ZNF708: variants seen among roughly 807,000 people sequenced by gnomAD.
ZNF708 encodes ZNF15, ZNF15L1.
In ZNF708, 44 loss-of-function variants were observed where a neutral mutation model predicts 47.0. That is an observed-to-expected ratio of 0.94 (90% CI 0.74 to 1.20). The LOEUF (loss-of-function observed/expected upper bound fraction) is 1.20. Among genes scored for constraint, ZNF708 ranks in the 50% most tolerant of loss-of-function variants. The pLI is 0.00. For synonymous variants in ZNF708, 184 were observed against 218.5 expected, an observed-to-expected ratio of 0.84 and a Z score of 1.39; for missense variants, 557 against 656.0, an observed-to-expected ratio of 0.85 and a Z score of 1.65.
intron 1 of ZNF708, among the ~76,000 whole-genome samples, chr19:21,326,392 GAATT>G (rs1973256441): frequency 6.6e-6 from 1 of 152,108 alleles, no homozygotes; most frequent in Admixed American, 6.6e-5. Flanking sequence ...CATAAAAAAT[GAATT>G]AACAGCATTT....
Position 21,292,886 on chromosome 19 carries a change from A to C in ZNF708, c.*388T>G, listed in dbSNP as rs1343682165. ...CACACTTGTAAGAGTTTTTCTAGTA[A>C]GAATTATCTTACCTACAATCAAGTG... On this transcript the variant is annotated 3_prime_UTR_variant, in exon 4 of 4. Transcript: ENST00000356929. 2.2e-5 allele frequency: 4 copies of C among 184,110 alleles called. No individual in the cohort carries two copies. In the Admixed American group the frequency reaches 2.2e-4, roughly 10 times the overall value. The allele number at this position is 184,110 out of a possible 1,614,324, so 11.4% of individuals were successfully genotyped here.
chr19:21,329,088 A>G, intron 1 of ZNF708, 122 bp downstream of exon 1: 2 of 1,440,254 alleles, frequency 1.4e-6, no homozygotes, highest in Non-Finnish European at 1.9e-6. Flanking sequence ...GAGCTAGGCA[A>G]GGAGAACTCG....
At chr19:21,301,068 T>C (rs1972650359) in intron 3 of ZNF708, among the ~76,000 whole-genome samples, 1 of 152,006 alleles carries the variant, frequency 6.6e-6, no homozygotes, top group African/African-American at 2.4e-5. Context: ...CAAAACAAAA[T>C]TAAAATATGA....
chr19:21,294,339 T>A lies in ZNF708; in HGVS notation c.627A>T (p.Ser209=). The change falls in exon 4 of 4, where the codon TCA becomes TCT. Residue 209 remains serine (S), a synonymous_variant. Coordinates refer to ENST00000356929, the MANE Select transcript of ZNF708 (RefSeq NM_021269.3). ...GAATTATCTTATGATTCGTAAGGTT[T>A]GAGGACTTTTTAAAAGCTTTGCCAC... is the stretch of plus-strand genomic sequence containing the variant. ...EECGKAFKKS[S]NLTNHKIIHT... is the part of the protein sequence containing the mutation. The A allele has an allele frequency of 5.0e-6, 8 of 1,613,526 alleles. No individual in the cohort carries two copies. Among genetic ancestry groups the A allele is most frequent in the Non-Finnish European group, 6.8e-6 (8 of 1,179,812 alleles).
intron 3 of ZNF708, among the ~76,000 whole-genome samples, chr19:21,299,617 C>CA (rs1972613039): frequency 6.6e-6 from 1 of 150,910 alleles, no homozygotes. Flanking sequence ...ATAACAACAA[C>CA]AAAAAATTAG....
chr19:21,327,332 C>G (rs1419943516), intron 1 of ZNF708, among the ~76,000 whole-genome samples: 1 of 152,020 alleles, frequency 6.6e-6, no homozygotes, highest in Non-Finnish European at 1.5e-5. Flanking sequence ...GAGTTTGAGA[C>G]CAGCCTGACC....
At chr19:21,305,304 C>T (rs1437096817) in intron 3 of ZNF708, among the ~76,000 whole-genome samples, 1 of 150,990 alleles carries the variant, frequency 6.6e-6, no homozygotes, top group Admixed American at 6.6e-5. Flanking sequence ...ACACTGCACC[C>T]AGCCACTTTT....
chr19:21,293,370 G>T lies in ZNF708; in HGVS notation c.1596C>A (p.Tyr532Ter), dbSNP rs1972435863. The change falls in exon 4 of 4, where the codon TAC (tyrosine) becomes TAA (stop). Residue 532 changes from tyrosine to a stop codon, truncating the protein, a stop_gained. Coordinates refer to ENST00000356929, the MANE Select transcript of ZNF708 (RefSeq NM_021269.3). LOFTEE classifies it high-confidence loss of function. ...HKIIHTGEKP[Y>*]KCEECGKAFN... ...AGGCTTTGCCACATTCTTCACATTT[G>T]TAGGGTTTCTCTCCAGTATGAATTA... 1 of 1,613,436 alleles carries T rather than the reference G, an allele frequency of 6.2e-7. No homozygotes were observed. The highest frequency in any genetic ancestry group is 1.3e-5 in the African/African-American group (1 of 74,862).
chr19:21,327,910 T>G (rs1031656498), intron 1 of ZNF708: 1 of 772,044 alleles, frequency 1.3e-6, no homozygotes, highest in African/African-American at 1.9e-5. Flanking sequence ...AGGAGATGCC[T>G]CTCAGCCCCA....
intron 3 of ZNF708, among the ~76,000 whole-genome samples, chr19:21,305,676 T>C (rs1972750085): frequency 6.6e-6 from 1 of 151,978 alleles, no homozygotes; most frequent in Non-Finnish European, 1.5e-5. Flanking sequence ...TTCTCCAGGA[T>C]GGTCTCTAAC....
rs990247182 is a variant in ZNF708 at position 21,329,217 on chromosome 19, A to G, written c.-5T>C. 1.9e-6 allele frequency: 3 copies of G among 1,611,706 alleles called. No homozygotes were observed. Among genetic ancestry groups the G allele is most frequent in the Non-Finnish European group, 1.7e-6 (2 of 1,178,316 alleles). ...GTCGGACGGCACTCTCACCATTTCT[A>G]GGCTTCCAGAGGGTCCTGGAGTCTT... is the stretch of plus-strand genomic sequence containing the variant. On this transcript the variant is annotated 5_prime_UTR_variant, in exon 1 of 4. Coordinates refer to ENST00000356929, the MANE Select transcript of ZNF708 (RefSeq NM_021269.3).
rs557613035 is a variant in ZNF708, at chr19:21,316,485, G to T, written c.4-5858C>A. 6.6e-5 allele frequency among the ~76,000 whole-genome samples: 10 copies of T among 152,298 alleles called. No individual in the cohort carries two copies. The South Asian group carries it at 2.1e-3, about 32-fold the overall frequency. Reference sequence around the variant, plus strand: ...TTCAGAAATTGGAGCTGCAGATTCAGATTCTGGATGGGTGGAGTAGCAGCA... The same window carrying T: ...TTCAGAAATTGGAGCTGCAGATTCATATTCTGGATGGGTGGAGTAGCAGCA... On this transcript the variant is annotated intron_variant, in intron 1 of 3. Coordinates refer to ENST00000356929, the MANE Select transcript of ZNF708 (RefSeq NM_021269.3).
At chr19:21,299,769 T>C (rs904485576) in intron 3 of ZNF708, among the ~76,000 whole-genome samples, 4 of 136,638 alleles carry the variant, frequency 2.9e-5, no homozygotes, top group African/African-American at 1.1e-4. Flanking sequence ...TGAGACTCCA[T>C]CTCAAAAAAA....
In ZNF708 at chr19:21,293,437, C is replaced by T; in HGVS notation, c.1529G>A (p.Gly510Asp). The T allele has an allele frequency of 1.2e-6, 2 of 1,613,172 alleles. No individual in the cohort carries two copies. The highest frequency in any genetic ancestry group is 1.7e-6 in the Non-Finnish European group (2 of 1,179,750). ...GGTTGAGGACTGGTTAAAAGCTTTG[C>T]CACATTCTTTACATTTGTAGGGTTT... is the stretch of plus-strand genomic sequence containing the variant. ...GEKPYKCKEC[G>D]KAFNQSSTLM... is the part of the protein sequence containing the mutation. Residue 510 changes from glycine (G) to aspartate (D), a missense_variant, in exon 4 of 4, where the codon GGC (glycine) becomes GAC (aspartate). Transcript: ENST00000356929.
Position 21,293,733 on chromosome 19 carries a change from C to T in ZNF708, c.1233G>A (p.Lys411=). 1.2e-6 allele frequency: 2 copies of T among 1,613,038 alleles called. No homozygotes were observed. Among genetic ancestry groups the T allele is most frequent in the Non-Finnish European group, 1.7e-6 (2 of 1,179,730 alleles). ...AGGGTTTCTTTCCAGTATGAATTAC[C>T]TTATGATAAGTAAGAGTTGAGGACT... ...FTKSSTLTYH[K]VIHTGKKPYK... The change falls in exon 4 of 4, where the codon AAG becomes AAA. Residue 411 remains lysine (K), a synonymous_variant. Transcript: ENST00000356929.
chr19:21,317,967 GCTCT>G (rs1175032401), intron 1 of ZNF708, among the ~76,000 whole-genome samples: 4 of 152,140 alleles, frequency 2.6e-5, no homozygotes, highest in Admixed American at 6.5e-5. Flanking sequence ...TAAAGCAATG[GCTCT>G]CTATGTTCTG....
At chr19:21,295,707 T>C (rs1350109718) in intron 3 of ZNF708, among the ~76,000 whole-genome samples, 3 of 151,784 alleles carry the variant, frequency 2.0e-5, no homozygotes, top group Admixed American at 1.3e-4. Context: ...ATCATGCCAT[T>C]GCACTCCAGC....
At chr19:21,296,517 A>C (rs1972529946) in intron 3 of ZNF708, among the ~76,000 whole-genome samples, 1 of 152,028 alleles carries the variant, frequency 6.6e-6, no homozygotes, top group Non-Finnish European at 1.5e-5. Context: ...TAAATAAATA[A>C]ATAAATAAAA....
At chr19:21,320,364 A>G (rs1417333775) in intron 1 of ZNF708, among the ~76,000 whole-genome samples, 1 of 152,116 alleles carries the variant, frequency 6.6e-6, no homozygotes, top group Non-Finnish European at 1.5e-5. Context: ...ATCAATCTAA[A>G]TGCCTATCAA....
Sources: allele counts gnomAD v4.1 joint callset (sites outside exome capture counted in the v4.1 genomes callset), GRCh38; gene constraint gnomAD v4.1.1; transcripts MANE v1.5; gene names NCBI Gene and HGNC (gene_info 2026-07-23, HGNC 2026-07-21).